Variants in PCDH15 observed in about 807,000 individuals in gnomAD.
The protein encoded by PCDH15 is protocadherin-15.
Under a neutral mutation model 178.5 loss-of-function variants are expected in PCDH15, and 129 were observed. That is an observed-to-expected ratio of 0.72 (90% CI 0.63 to 0.84). PCDH15 has a LOEUF of 0.84. Ranked by LOEUF, PCDH15 falls within the 40% of genes least tolerant of loss-of-function variation. The pLI is 0.00. For synonymous variants in PCDH15, 800 were observed against 732.0 expected (o/e 1.09, Z -1.50); for missense variants, 2,230 against 2,099.9 (o/e 1.06, Z -1.21).
At chr10:53,810,345 T>G in intron 37 of PCDH15, among the ~76,000 whole-genome samples, 1 of 152,154 alleles carries the variant, frequency 6.6e-6, no homozygotes, top group Admixed American at 6.6e-5. Context: ...TGTTTAACAC[T>G]TTTAGAAGGA....
At chr10:54,045,125 T>A (rs1222059506) in intron 18 of PCDH15, among the ~76,000 whole-genome samples, 1 of 152,116 alleles carries the variant, frequency 6.6e-6, no homozygotes. Context: ...ACAGAAGGAA[T>A]GACCATTGTA....
At chr10:54,519,899 A>C (rs1474551297) in intron 3 of PCDH15, among the ~76,000 whole-genome samples, 1 of 152,188 alleles carries the variant, frequency 6.6e-6, no homozygotes, top group African/African-American at 2.4e-5. Flanking sequence ...AGCCCTCAGA[A>C]ATAAGGCCGC....
At chr10:55,557,409 G>T (rs1409185146) in intron 2 of PCDH15, among the ~76,000 whole-genome samples, 1 of 152,048 alleles carries the variant, frequency 6.6e-6, no homozygotes, top group Non-Finnish European at 1.5e-5. Context: ...AACTGGATTT[G>T]GTCAAAATCA....
At chr10:54,778,766 A>G (rs1949970983) in intron 1 of PCDH15, among the ~76,000 whole-genome samples, 1 of 152,150 alleles carries the variant, frequency 6.6e-6, no homozygotes, top group African/African-American at 2.4e-5. Context: ...CATTACTAAA[A>G]TAAATTTAAG....
rs115216651 is a variant in PCDH15, at chr10:55,362,307, C to A, written c.-155-195656G>T. Among the ~76,000 whole-genome samples, 863 of 152,188 alleles carry A rather than the reference C, an allele frequency of 5.7e-3. 10 individuals are homozygous for A. Among genetic ancestry groups the A allele is most frequent in the African/African-American group, 0.02 (823 of 41,548 alleles). ...CATTATTTTATTTAGGAATTCATTA[C>A]AGAAATATTTATGGCACATTCATAC... On this transcript the variant is annotated intron_variant, in intron 2 of 5. Transcript: ENST00000613346.
chr10:55,546,617 A>G (rs1176823025), intron 2 of PCDH15, among the ~76,000 whole-genome samples: 1 of 152,154 alleles, frequency 6.6e-6, no homozygotes, highest in Non-Finnish European at 1.5e-5. Flanking sequence ...TGAGTATGTT[A>G]TTGTTCTCAG....
chr10:54,108,670 A>G (rs920301674), intron 15 of PCDH15, among the ~76,000 whole-genome samples: 1 of 152,106 alleles, frequency 6.6e-6, no homozygotes, highest in Non-Finnish European at 1.5e-5. Context: ...CAGCTAAGGG[A>G]GTGCTTGTGC....
intron 5 of PCDH15, among the ~76,000 whole-genome samples, chr10:54,354,515 A>T (rs2583034): frequency 0.11 from 17,486 of 152,074 alleles, 1,794 homozygotes; most frequent in African/African-American, 0.28. Flanking sequence ...GGAACTAGAG[A>T]TTAGTCTTAC....
chr10:53,927,209 A>G (rs570199359), intron 25 of PCDH15, among the ~76,000 whole-genome samples: 9 of 151,972 alleles, frequency 5.9e-5, no homozygotes, highest in Non-Finnish European at 1.3e-4. Context: ...AAGAATTACA[A>G]GGGGACCCAC....
intron 6 of PCDH15, among the ~76,000 whole-genome samples, chr10:54,340,650 A>T (rs1942060153): frequency 6.6e-6 from 1 of 152,160 alleles, no homozygotes; most frequent in Non-Finnish European, 1.5e-5. Flanking sequence ...GAAAGCAAGC[A>T]AAATACTCTT....
chr10:53,913,265 C>T (rs2083255249), intron 25 of PCDH15, among the ~76,000 whole-genome samples: 1 of 152,068 alleles, frequency 6.6e-6, no homozygotes, highest in South Asian at 2.1e-4. Context: ...TGGATCCCTT[C>T]CTTATATCTT....
intron 3 of PCDH15, among the ~76,000 whole-genome samples, chr10:54,475,091 A>G (rs1289912452): frequency 6.6e-6 from 1 of 151,948 alleles, no homozygotes; most frequent in Non-Finnish European, 1.5e-5. Flanking sequence ...AACAAAGAAC[A>G]AAATGTTTTA....
chr10:54,714,068 G>A (rs1282566407), intron 1 of PCDH15, among the ~76,000 whole-genome samples: 2 of 152,128 alleles, frequency 1.3e-5, no homozygotes, highest in Non-Finnish European at 2.9e-5. Flanking sequence ...CAGAAACACT[G>A]GCCACGTAGC....
chr10:54,396,893 CAG>C (rs140111138), intron 3 of PCDH15, among the ~76,000 whole-genome samples: 2,738 of 152,154 alleles, frequency 0.018, 78 homozygotes, highest in African/African-American at 0.06. Flanking sequence ...AATATTCCGA[CAG>C]TGGAAAATGT....
At chr10:55,558,981 T>C (rs1037406803) in intron 2 of PCDH15, among the ~76,000 whole-genome samples, 5 of 152,226 alleles carry the variant, frequency 3.3e-5, no homozygotes, top group African/African-American at 7.2e-5. Flanking sequence ...GGTAAATAAA[T>C]AAATAACATT....
chr10:54,511,063 T>G (rs2081608474), intron 3 of PCDH15, among the ~76,000 whole-genome samples: 1 of 152,176 alleles, frequency 6.6e-6, no homozygotes, highest in Non-Finnish European at 1.5e-5. Flanking sequence ...ATTTTACCGT[T>G]ACCTTTATTT....
chr10:53,882,334 G>A (rs1048633647), intron 26 of PCDH15, among the ~76,000 whole-genome samples: 5 of 152,112 alleles, frequency 3.3e-5, no homozygotes, highest in African/African-American at 7.2e-5. Context: ...CCCAGAGCTC[G>A]GGGCCTTTGC....
At chr10:55,593,618 G>C (rs1381153797) in intron 2 of PCDH15, among the ~76,000 whole-genome samples, 1 of 151,720 alleles carries the variant, frequency 6.6e-6, no homozygotes, top group Non-Finnish European at 1.5e-5. Flanking sequence ...AATATATTAA[G>C]ATTAATTACT....
chr10:55,049,436 G>A (rs979193333), intron 2 of PCDH15, among the ~76,000 whole-genome samples: 2 of 150,958 alleles, frequency 1.3e-5, no homozygotes, highest in Non-Finnish European at 3.0e-5. Context: ...GAAAAAAAAG[G>A]AACATCTTAG....
Sources: allele counts gnomAD v4.1 joint callset (sites outside exome capture counted in the v4.1 genomes callset), GRCh38; gene constraint gnomAD v4.1.1; transcripts MANE v1.5; gene names NCBI Gene and HGNC (gene_info 2026-07-23, HGNC 2026-07-21).